GLT8D1: variants seen among roughly 807,000 people sequenced by gnomAD.
The protein encoded by GLT8D1 is glycosyltransferase 8 domain containing 1.
Under a neutral mutation model 46.2 loss-of-function variants are expected in GLT8D1, and 41 were observed. That is an observed-to-expected ratio of 0.89 (90% CI 0.69 to 1.15). The LOEUF is 1.15. GLT8D1 is among the 50% of genes most tolerant of loss of function. The pLI is 0.00. For synonymous variants in GLT8D1, 150 were observed against 154.2 expected, an observed-to-expected ratio of 0.97 and a Z score of 0.20; for missense variants, 408 against 449.3, an observed-to-expected ratio of 0.91 and a Z score of 0.83.
At position 52,695,468 on chromosome 3, in the gene GLT8D1, T is replaced by C. The variant is rs2097332261; in HGVS notation, c.765A>G (p.Arg255=). Residue 255 remains arginine, a synonymous_variant, in exon 8 of 10, where the codon CGA becomes CGG. Transcript: ENST00000266014. ...TTTCCAGTTGGTTAGTTATATTCTG[T>C]CGTTTCCATTCCGTCAGGTTTGCAA... is the stretch of plus-strand genomic sequence containing the variant. The part of the protein sequence containing the change: ...VFVANLTEWK[R]QNITNQLEKW... 1 of 1,613,938 alleles carries C rather than the reference T, an allele frequency of 6.2e-7. No individual in the cohort carries two copies. Among genetic ancestry groups the C allele is most frequent in the Non-Finnish European group, 8.5e-7 (1 of 1,179,792 alleles).
chr3:52,695,647 T>C (rs1438943272), intron 7 of GLT8D1, 60 bp from the exon 8 acceptor site: 11 of 1,005,920 alleles, frequency 1.1e-5, no homozygotes, highest in African/African-American at 3.2e-5. Flanking sequence ...TACAATTTTA[T>C]AGCCAGTAGA....
Position 52,700,245 on chromosome 3 carries a change from A to G in GLT8D1, c.115+17T>C. 1 of 1,518,796 alleles carries G rather than the reference A, an allele frequency of 6.6e-7. No homozygotes were observed. The highest frequency in any genetic ancestry group is 9.1e-7 in the Non-Finnish European group (1 of 1,099,276). 94.1% of individuals were successfully genotyped at this position (1,518,796 alleles called of 1,614,324 possible). A position where few individuals can be genotyped will look rare whatever the true frequency, so the allele number is the denominator to read the frequency against. ...CCGCAACAGATTCTAAGGCATTATTAATAAGTGCTCGCATACCTGTAACCT... is the reference window on the plus strand; with the variant it reads ...CCGCAACAGATTCTAAGGCATTATTGATAAGTGCTCGCATACCTGTAACCT... On this transcript the variant is annotated intron_variant, in intron 3 of 9. Coordinates refer to ENST00000266014, the MANE Select transcript of GLT8D1 (RefSeq NM_018446.4).
At chr3:52,697,528 G>T (rs1282860452) in intron 4 of GLT8D1, 193 bp downstream of exon 4, 5 of 584,026 alleles carry the variant, frequency 8.6e-6, no homozygotes, top group Non-Finnish European at 1.5e-5. Context: ...TGAGCTCCTT[G>T]TATCACTTCT....
At chr3:52,699,389 A>T (rs951644393) in intron 3 of GLT8D1, among the ~76,000 whole-genome samples, 1 of 151,810 alleles carries the variant, frequency 6.6e-6, no homozygotes, top group Non-Finnish European at 1.5e-5. Context: ...GGTTCAAGCG[A>T]TTCTCCTGCC....
chr3:52,697,211 C>G (rs970540250), intron 4 of GLT8D1, among the ~76,000 whole-genome samples: 1 of 152,168 alleles, frequency 6.6e-6, no homozygotes, highest in East Asian at 1.9e-4. Flanking sequence ...GTTAGACCAA[C>G]AAATTTGGAG....
At position 52,695,413 on chromosome 3, in the gene GLT8D1, A is replaced by ATACT; in HGVS notation, c.812+4_812+7dup. On this transcript the variant is annotated splice_region_variant and intron_variant, in intron 8 of 9. Coordinates refer to ENST00000266014, the MANE Select transcript of GLT8D1 (RefSeq NM_018446.4). ...AGTTTTTCACAGCTAGGCCAGTTACATACTTACTCTACATTGAGTTTCATC... is the reference window on the plus strand; with the variant it reads ...AGTTTTTCACAGCTAGGCCAGTTACATACTTACTTACTCTACATTGAGTTTCATC... 7 of 1,611,864 alleles carry ATACT rather than the reference A, an allele frequency of 4.3e-6. No homozygotes were observed. The African/African-American group carries it at 6.7e-5, about 15-fold the overall frequency.
Position 52,694,828 on chromosome 3 carries a change from A to ACAGTT in GLT8D1, c.*12_*16dup. 1 of 1,568,632 alleles carries ACAGTT rather than the reference A, an allele frequency of 6.4e-7. No individual in the cohort carries two copies. Among genetic ancestry groups the ACAGTT allele is most frequent in the East Asian group, 2.2e-5 (1 of 44,638 alleles). On this transcript the variant is annotated 3_prime_UTR_variant, in exon 10 of 10. Coordinates refer to ENST00000266014, the MANE Select transcript of GLT8D1 (RefSeq NM_018446.4). Reference sequence around the variant, plus strand: ...AGGACTTCCTGAGAAATGCTTGCTTACAGTTCAAATTCTGTTTCACTTTAT... The same window carrying ACAGTT: ...AGGACTTCCTGAGAAATGCTTGCTTACAGTTCAGTTCAAATTCTGTTTCACTTTAT...
chr3:52,695,729 C>G lies in GLT8D1; in HGVS notation c.646-142G>C, dbSNP rs2097332594. 5 of 645,624 alleles carry G rather than the reference C, an allele frequency of 7.7e-6. No homozygotes were observed. The East Asian group carries it at 1.4e-4, about 18-fold the overall frequency. 40.0% of individuals were successfully genotyped at this position (645,624 alleles called of 1,614,324 possible). On this transcript the variant is annotated intron_variant, in intron 7 of 9. Coordinates refer to ENST00000266014, the MANE Select transcript of GLT8D1 (RefSeq NM_018446.4). ...TGAAATTCCAAGTTAGAATAGGAACCTAGATGTTGACATAATAAACCAGAT... is the reference window on the plus strand; with the variant it reads ...TGAAATTCCAAGTTAGAATAGGAACGTAGATGTTGACATAATAAACCAGAT...
intron 1 of GLT8D1, among the ~76,000 whole-genome samples, chr3:52,704,474 AAAAAAAAAAG>A: frequency 6.6e-6 from 1 of 151,260 alleles, no homozygotes; most frequent in Non-Finnish European, 1.5e-5. Context: ...AAAAAAAAAA[AAAAAAAAAAG>A]ACCACACAGA....
chr3:52,699,118 T>C (rs557181499), intron 3 of GLT8D1, among the ~76,000 whole-genome samples: 33 of 152,146 alleles, frequency 2.2e-4, no homozygotes, highest in African/African-American at 7.0e-4. Context: ...ATCTCAACTG[T>C]ACAGAAAAAA....
chr3:52,695,953 A>G lies in GLT8D1; in HGVS notation c.620T>C (p.Val207Ala), dbSNP rs149421790. 261 of 1,609,088 alleles carry G rather than the reference A, an allele frequency of 1.6e-4. 2 individuals carry two copies. The African/African-American group carries it at 3.2e-3, about 19-fold the overall frequency. Residue 207 changes from valine (V) to alanine (A), a missense_variant, in exon 7 of 10, where the codon GTT becomes GCT. Coordinates refer to ENST00000266014, the MANE Select transcript of GLT8D1 (RefSeq NM_018446.4). ...SEDCDSASTK[V>A]VIRGAGNQYN... ...CTGGTTTCCTGCTCCACGGATGACA[A>G]CTTTAGTAGAGGCTGAATCACAATC... is the stretch of plus-strand genomic sequence containing the variant.
intron 3 of GLT8D1, among the ~76,000 whole-genome samples, chr3:52,698,595 C>T (rs540116908): frequency 6.6e-6 from 1 of 151,808 alleles, no homozygotes; most frequent in East Asian, 1.9e-4. Flanking sequence ...GCAGGAGAAT[C>T]GCTTGAACTC....
intron 3 of GLT8D1, 67 bp downstream of exon 3, chr3:52,700,195 A>C: frequency 1.1e-6 from 1 of 933,674 alleles, no homozygotes; most frequent in African/African-American, 1.6e-5. Context: ...ACAACTTAGG[A>C]TGTGTGACAC....
chr3:52,700,546 C>A, intron 1 of GLT8D1, 50 bp from the exon 2 acceptor site: 8 of 758,398 alleles, frequency 1.1e-5, no homozygotes, highest in Admixed American at 2.3e-5. Context: ...TGAGAAGGGA[C>A]ATCAAAATGC....
In GLT8D1 at chr3:52,695,947, A is replaced by T. The variant is rs1331441496; in HGVS notation, c.626T>A (p.Ile209Asn). ...DCDSASTKVV[I>N]RGAGNQYNYI... The stretch of plus-strand genomic sequence containing the variant: ...ATTTACCTGGTTTCCTGCTCCACGG[A>T]TGACAACTTTAGTAGAGGCTGAATC... The change falls in exon 7 of 10, where the codon ATC becomes AAC. Residue 209 changes from isoleucine to asparagine, a missense_variant. Ile to Asn is a moderately radical substitution (Grantham distance 149). Transcript: ENST00000266014. The T allele has an allele frequency of 6.2e-7, 1 of 1,604,336 alleles. No individual in the cohort carries two copies.
chr3:52,696,039 A>T lies in GLT8D1; in HGVS notation c.534T>A (p.Gly178=). ...CTGTATTGTAAAGGGCAAGAATATC[A>T]CCTGAAATAGACAAGATGTTAAGAT... The part of the protein sequence containing the change: ...IYMDDDVIVQ[G]DILALYNTAL... Residue 178 remains glycine (G), a splice_region_variant and synonymous_variant, in exon 7 of 10, where the codon GGT becomes GGA. Transcript: ENST00000266014. 1 of 1,564,310 alleles carries T rather than the reference A, an allele frequency of 6.4e-7. No individual in the cohort carries two copies. The highest frequency in any genetic ancestry group is 8.8e-7 in the Non-Finnish European group (1 of 1,135,234).
At chr3:52,700,998 G>A (rs1047041463) in intron 1 of GLT8D1, among the ~76,000 whole-genome samples, 7 of 152,284 alleles carry the variant, frequency 4.6e-5, no homozygotes, top group African/African-American at 1.7e-4. Flanking sequence ...CTGGGCAACA[G>A]AGGTTGCAGT....
Position 52,695,064 on chromosome 3 carries a change from C to T in GLT8D1, c.926-29G>A, listed in dbSNP as rs144444729. The T allele has an allele frequency of 1.3e-4, 205 of 1,541,094 alleles. No homozygotes were observed. The African/African-American group carries it at 2.5e-3, about 18-fold the overall frequency. ...ACATTTGAGACAAAAATAGCCACAT[C>T]GTTGCGCCATGTGAAATTGTGCAGA... On this transcript the variant is annotated intron_variant, in intron 9 of 9. Coordinates refer to ENST00000266014, the MANE Select transcript of GLT8D1 (RefSeq NM_018446.4).
At chr3:52,698,392 G>A (rs1289632088) in intron 3 of GLT8D1, among the ~76,000 whole-genome samples, 2 of 152,150 alleles carry the variant, frequency 1.3e-5, no homozygotes, top group Non-Finnish European at 2.9e-5. Flanking sequence ...ATAGAAAACT[G>A]AAATAGAGGC....
Sources: gnomAD v4.1 joint callset for allele counts (sites outside exome capture counted in the v4.1 genomes callset) on GRCh38, gnomAD v4.1.1 for gene constraint, MANE v1.5 for transcripts, NCBI Gene and HGNC (gene_info 2026-07-23, HGNC 2026-07-21) for gene names.